The following CNTNAP2 variants were observed in gnomAD, a reference collection of about 807,000 sequenced individuals.
CNTNAP2 encodes the protein contactin-associated protein-like 2.
Under a neutral mutation model 155.2 loss-of-function variants are expected in CNTNAP2, and 98 were observed. The observed-to-expected ratio is 0.63, with a 90% CI of 0.54 to 0.75. The LOEUF (loss-of-function observed/expected upper bound fraction) is 0.75, where lower values mean the gene tolerates loss of function less well. Ranked by LOEUF, CNTNAP2 falls within the 30% of genes least tolerant of loss-of-function variation. CNTNAP2 has a pLI of 0.00. For missense variants in CNTNAP2, 1,727 were observed against 1,688.1 expected, an observed-to-expected ratio of 1.02 and a Z score of -0.40; for synonymous variants, 651 against 631.2, an observed-to-expected ratio of 1.03 and a Z score of -0.47.
intron 20 of CNTNAP2, among the ~76,000 whole-genome samples, chr7:148,259,964 C>T (rs1796530430): frequency 6.6e-6 from 1 of 152,116 alleles, no homozygotes; most frequent in South Asian, 2.1e-4. Context: ...TCTTAACTGC[C>T]AGTGAAATGA....
rs578059977 is a variant in CNTNAP2 at position 148,083,260 on chromosome 7, A to G, written c.2384-34858A>G. Among the ~76,000 whole-genome samples the G allele has an allele frequency of 4.6e-5, 7 of 152,320 alleles. No individual in the cohort carries two copies. The South Asian group carries it at 1.0e-3, about 23-fold the overall frequency. ...AAAATAATGATTTTCTTAAATGCAC[A>G]TGATAATTTATGGCTGACACTGACA... On this transcript the variant is annotated intron_variant, in intron 15 of 23. Transcript: ENST00000361727.
intron 14 of CNTNAP2, among the ~76,000 whole-genome samples, chr7:147,934,404 T>C (rs1000536857): frequency 6.6e-6 from 1 of 152,232 alleles, no homozygotes; most frequent in African/African-American, 2.4e-5. Flanking sequence ...GGGGAACTCC[T>C]CCTTTTAATA....
intron 8 of CNTNAP2, among the ~76,000 whole-genome samples, chr7:147,240,588 A>C (rs78995564): frequency 6.6e-6 from 1 of 152,190 alleles, no homozygotes; most frequent in African/African-American, 2.4e-5. Context: ...GTCTATCTCC[A>C]TAGCCTCTGT....
intron 4 of CNTNAP2, among the ~76,000 whole-genome samples, chr7:147,045,783 T>A (rs1013941339): frequency 2.6e-5 from 4 of 152,088 alleles, no homozygotes; most frequent in African/African-American, 9.7e-5. Context: ...TTAAGAGCCA[T>A]GTTTAACTTT....
chr7:147,088,623 G>A (rs773512007), intron 4 of CNTNAP2, among the ~76,000 whole-genome samples: 10 of 152,162 alleles, frequency 6.6e-5, no homozygotes, highest in East Asian at 1.9e-4. Flanking sequence ...GAGCCCTGAA[G>A]GGCCGTGTCA....
intron 1 of CNTNAP2, among the ~76,000 whole-genome samples, chr7:146,335,132 T>G (rs1801252503): frequency 1.3e-5 from 2 of 152,214 alleles, no homozygotes; most frequent in African/African-American, 4.8e-5. Flanking sequence ...GGTAAATGAT[T>G]TGAAGATTTC....
At chr7:146,195,788 C>T (rs918713951) in intron 1 of CNTNAP2, among the ~76,000 whole-genome samples, 1 of 152,192 alleles carries the variant, frequency 6.6e-6, no homozygotes, top group African/African-American at 2.4e-5. Flanking sequence ...AGCCTTGGCC[C>T]TTTGCCTACA....
intron 8 of CNTNAP2, among the ~76,000 whole-genome samples, chr7:147,285,684 T>C (rs891753473): frequency 2.0e-5 from 3 of 152,050 alleles, no homozygotes; most frequent in Non-Finnish European, 2.9e-5. Flanking sequence ...TCTTCCTTAA[T>C]ACATAAGAGG....
chr7:146,285,285 T>C (rs1436294570), intron 1 of CNTNAP2, among the ~76,000 whole-genome samples: 3 of 152,132 alleles, frequency 2.0e-5, no homozygotes, highest in Non-Finnish European at 4.4e-5. Context: ...AGGTATAATA[T>C]AAATCCTTAA....
chr7:146,474,777 G>C (rs17170111), intron 1 of CNTNAP2, among the ~76,000 whole-genome samples: 11,672 of 152,188 alleles, frequency 0.077, 478 homozygotes, highest in Non-Finnish European at 0.094. Flanking sequence ...AGACCTGACT[G>C]TATCTAGATT....
At chr7:146,855,584 T>A (rs183554242) in intron 3 of CNTNAP2, among the ~76,000 whole-genome samples, 2 of 151,874 alleles carry the variant, frequency 1.3e-5, no homozygotes, top group Admixed American at 6.6e-5. Context: ...ACAAAGAGCG[T>A]TTATTGTATG....
chr7:146,528,836 G>A (rs1797728050), intron 1 of CNTNAP2, among the ~76,000 whole-genome samples: 1 of 152,082 alleles, frequency 6.6e-6, no homozygotes. Flanking sequence ...GTGATATGCA[G>A]GATGAGCTCA....
chr7:146,227,815 C>T (rs1186730740), intron 1 of CNTNAP2, among the ~76,000 whole-genome samples: 1 of 152,152 alleles, frequency 6.6e-6, no homozygotes, highest in African/African-American at 2.4e-5. Flanking sequence ...ATGGAATCAG[C>T]AGTGCAGAAG....
chr7:146,214,624 C>T (rs192159960), intron 1 of CNTNAP2, among the ~76,000 whole-genome samples: 439 of 152,182 alleles, frequency 2.9e-3, no homozygotes, highest in Non-Finnish European at 5.0e-3. Context: ...TTCTGTTGAT[C>T]CTAAATTTTA....
intron 15 of CNTNAP2, among the ~76,000 whole-genome samples, chr7:148,092,520 G>A (rs780122318): frequency 3.9e-5 from 6 of 152,138 alleles, no homozygotes; most frequent in Non-Finnish European, 7.4e-5. Flanking sequence ...AAAGTCTAGG[G>A]GCTCTGAGTG....
intron 21 of CNTNAP2, among the ~76,000 whole-genome samples, chr7:148,358,654 T>G (rs994593895): frequency 1.3e-5 from 2 of 152,156 alleles, no homozygotes; most frequent in African/African-American, 2.4e-5. Context: ...CATCTGTTAT[T>G]CAGCCTTTAG....
At chr7:147,563,721 A>G (rs547575033) in intron 12 of CNTNAP2, among the ~76,000 whole-genome samples, 2 of 152,312 alleles carry the variant, frequency 1.3e-5, no homozygotes, top group East Asian at 1.9e-4. Flanking sequence ...TCTTCTGGCT[A>G]TAGTTCAGAA....
chr7:148,058,225 C>T lies in CNTNAP2; in HGVS notation c.2384-59893C>T, dbSNP rs138551117. Reference sequence around the variant, plus strand: ...GAAGCTAGTCTTTCATGCCTCATCACAAGTAGCAGATTTCCATTAAGAATT... The same window carrying T: ...GAAGCTAGTCTTTCATGCCTCATCATAAGTAGCAGATTTCCATTAAGAATT... On this transcript the variant is annotated intron_variant, in intron 15 of 23. Transcript: ENST00000361727. Among the ~76,000 whole-genome samples the T allele has an allele frequency of 6.5e-3, 986 of 152,216 alleles. 5 individuals are homozygous for T. Among genetic ancestry groups the T allele is most frequent in the Non-Finnish European group, 0.011 (760 of 68,014 alleles).
At chr7:147,609,980 C>G (rs369370419) in intron 12 of CNTNAP2, among the ~76,000 whole-genome samples, 1 of 151,982 alleles carries the variant, frequency 6.6e-6, no homozygotes, top group Non-Finnish European at 1.5e-5. Flanking sequence ...TTTTTGTTGT[C>G]GTGGTGGTGG....
Sources: gnomAD v4.1 joint callset for allele counts (sites outside exome capture counted in the v4.1 genomes callset) on GRCh38, gnomAD v4.1.1 for gene constraint, MANE v1.5 for transcripts, NCBI Gene and HGNC (gene_info 2026-07-23, HGNC 2026-07-21) for gene names.